The following STN1 variants were observed in gnomAD, a reference collection of about 807,000 sequenced individuals.
The protein encoded by STN1 is STN1 subunit of CST complex.
A neutral mutation model predicts 45.5 loss-of-function variants in STN1; 29 were observed. The ratio of observed to expected loss-of-function variants is 0.64; its 90% CI spans 0.47 to 0.87. The LOEUF (loss-of-function observed/expected upper bound fraction) is 0.87. Ranked by LOEUF, STN1 falls within the 40% of genes least tolerant of loss-of-function variation. STN1 has a pLI of 0.00. For missense variants in STN1, 376 were observed against 441.4 expected (o/e 0.85, Z 1.33); for synonymous variants, 148 against 159.0 (o/e 0.93, Z 0.52).
chr10:103,911,221 G>A (rs1843288652), intron 2 of STN1, among the ~76,000 whole-genome samples: 1 of 152,174 alleles, frequency 6.6e-6, no homozygotes, highest in East Asian at 1.9e-4. Context: ...CCTGCCAGAG[G>A]AGAAAGCTGA....
At chr10:103,900,663 C>T (rs1021549663) in intron 4 of STN1, among the ~76,000 whole-genome samples, 3 of 151,956 alleles carry the variant, frequency 2.0e-5, no homozygotes, top group Non-Finnish European at 4.4e-5. Flanking sequence ...TCTCACCTCT[C>T]ATCTCTGTTG....
intron 4 of STN1, among the ~76,000 whole-genome samples, chr10:103,903,588 G>A (rs12571879): frequency 0.22 from 34,201 of 152,008 alleles, 4,322 homozygotes; most frequent in Non-Finnish European, 0.27. Context: ...TGCCATGTGA[G>A]GAACAGTTCT....
rs1843065863 is a variant in STN1, at chr10:103,881,085, A to G, written c.*1599T>C. Among the ~76,000 whole-genome samples the G allele has an allele frequency of 6.6e-6, 1 of 152,126 alleles. No homozygotes were observed. Among genetic ancestry groups the G allele is most frequent in the Non-Finnish European group, 1.5e-5 (1 of 68,012 alleles). On this transcript the variant is annotated 3_prime_UTR_variant, in exon 10 of 10. Transcript: ENST00000224950. ...ATGGCAACACTGTCTGTCTGCTTTC[A>G]TCATTTTTTTCATAGCTGCATAGTA...
At chr10:103,912,682 G>C (rs1223261077) in intron 2 of STN1, among the ~76,000 whole-genome samples, 1 of 152,234 alleles carries the variant, frequency 6.6e-6, no homozygotes, top group Non-Finnish European at 1.5e-5. Context: ...TTTGCTGCAG[G>C]GCCAGGTGGC....
intron 3 of STN1, among the ~76,000 whole-genome samples, chr10:103,909,546 A>ATATGTGTGTGTATATATG (rs1564635241): frequency 2.3e-5 from 3 of 128,578 alleles, no homozygotes; most frequent in African/African-American, 8.6e-5. Flanking sequence ...ATATGTACAT[A>ATATGTGTGTGTATATATG]TATATATGCT....
intron 4 of STN1, among the ~76,000 whole-genome samples, chr10:103,904,633 TG>T (rs1302865364): frequency 1.3e-5 from 2 of 152,208 alleles, no homozygotes; most frequent in Non-Finnish European, 2.9e-5. Context: ...TGGTATTATT[TG>T]TTTGAACACA....
At position 103,897,724 on chromosome 10, in the gene STN1, G is replaced by T. The variant is rs369184061; in HGVS notation, c.582-5C>A. ...AGGTCCAGGGCGCCTGGATTGCTGC[G>T]GAGGGAAAGTTTTAAAGAGCTCTGC... On this transcript the variant is annotated splice_polypyrimidine_tract_variant and splice_region_variant and intron_variant, in intron 6 of 9. Coordinates refer to ENST00000224950, the MANE Select transcript of STN1 (RefSeq NM_024928.5). The T allele has an allele frequency of 6.2e-7, 1 of 1,613,446 alleles. No homozygotes were observed. The highest frequency in any genetic ancestry group is 1.1e-5 in the South Asian group (1 of 91,044).
At chr10:103,894,470 T>C (rs1006644000) in intron 7 of STN1, among the ~76,000 whole-genome samples, 20 of 152,140 alleles carry the variant, frequency 1.3e-4, no homozygotes, top group Non-Finnish European at 2.6e-4. Context: ...TCTGTAAATA[T>C]AAACAATACT....
chr10:103,912,058 C>T (rs1391043088), intron 2 of STN1, among the ~76,000 whole-genome samples: 1 of 152,028 alleles, frequency 6.6e-6, no homozygotes, highest in African/African-American at 2.4e-5. Flanking sequence ...GTCCTCAGGA[C>T]CACCTTGCAG....
At chr10:103,906,179 CTT>C (rs1843239413) in intron 3 of STN1, among the ~76,000 whole-genome samples, 1 of 152,008 alleles carries the variant, frequency 6.6e-6, no homozygotes. Context: ...AAAAGGTAAA[CTT>C]AAGATGAGAA....
At chr10:103,907,851 A>G (rs1843252363) in intron 3 of STN1, among the ~76,000 whole-genome samples, 2 of 152,120 alleles carry the variant, frequency 1.3e-5, no homozygotes, top group Admixed American at 6.5e-5. Flanking sequence ...TTAGCAGGCC[A>G]GGAGCAGTGG....
chr10:103,917,244 C>T (rs1843338907), intron 2 of STN1, among the ~76,000 whole-genome samples: 1 of 140,260 alleles, frequency 7.1e-6, no homozygotes, highest in African/African-American at 2.7e-5. Flanking sequence ...AAAGTTACTC[C>T]CCCAAACACC....
intron 8 of STN1, among the ~76,000 whole-genome samples, chr10:103,889,589 A>G (rs1271331077): frequency 6.6e-6 from 1 of 152,012 alleles, no homozygotes; most frequent in African/African-American, 2.4e-5. Context: ...GAGAAAAAAA[A>G]AAAAAAAACC....
At chr10:103,886,342 A>C (rs1233278774) in intron 9 of STN1, among the ~76,000 whole-genome samples, 1 of 152,158 alleles carries the variant, frequency 6.6e-6, no homozygotes, top group Admixed American at 6.5e-5. Context: ...ATACAAACTG[A>C]AGTTTTTAGT....
intron 8 of STN1, among the ~76,000 whole-genome samples, chr10:103,889,742 G>A (rs189377110): frequency 3.1e-5 from 4 of 130,114 alleles, no homozygotes; most frequent in East Asian, 5.1e-4. Flanking sequence ...CACTCTTATC[G>A]CCCAGGCTGG....
intron 2 of STN1, among the ~76,000 whole-genome samples, chr10:103,915,710 G>A (rs910956240): frequency 6.6e-6 from 1 of 152,054 alleles, no homozygotes; most frequent in African/African-American, 2.4e-5. Context: ...AAAAACCTAG[G>A]AGTGGAATTC....
At chr10:103,891,542 T>C (rs2134360577) in intron 8 of STN1, among the ~76,000 whole-genome samples, 1 of 152,290 alleles carries the variant, frequency 6.6e-6, no homozygotes, top group East Asian at 1.9e-4. Flanking sequence ...ATAGTTCCCA[T>C]GGCAATCGAT....
intron 9 of STN1, among the ~76,000 whole-genome samples, chr10:103,885,324 C>T (rs765907912): frequency 5.3e-5 from 8 of 152,136 alleles, no homozygotes; most frequent in African/African-American, 1.9e-4. Flanking sequence ...GACCTGCACA[C>T]GGTAGGGAGG....
At chr10:103,890,613 C>A (rs766032961) in intron 8 of STN1, among the ~76,000 whole-genome samples, 3 of 152,216 alleles carry the variant, frequency 2.0e-5, no homozygotes, top group Non-Finnish European at 4.4e-5. Flanking sequence ...TCTCCAACTT[C>A]CAGGAAGCAA....
Sources: allele counts gnomAD v4.1 joint callset (sites outside exome capture counted in the v4.1 genomes callset), GRCh38; gene constraint gnomAD v4.1.1; transcripts MANE v1.5; gene names NCBI Gene and HGNC (gene_info 2026-07-23, HGNC 2026-07-21).